The following CUBN variants were observed in gnomAD, a reference collection of about 807,000 sequenced individuals.
CUBN encodes 460 kDa receptor.
CUBN carries 282 observed loss-of-function variants against 405.3 expected under a neutral mutation model. The ratio of observed to expected loss-of-function variants is 0.70; its 90% CI spans 0.63 to 0.77. CUBN has a LOEUF of 0.77. Among genes scored for constraint, CUBN ranks in the 30% least tolerant of loss-of-function variants. The pLI, the probability that CUBN is intolerant of heterozygous loss-of-function variation, is 0.00. For missense variants in CUBN, 4,514 were observed against 4,475.2 expected (o/e 1.01, Z -0.25); for synonymous variants, 1,684 against 1,617.0 (o/e 1.04, Z -0.99).
chr10:17,068,554 A>G, intron 20 of CUBN, 51 bp downstream of exon 20: 1 of 1,436,882 alleles, frequency 7.0e-7, no homozygotes, highest in South Asian at 1.2e-5. Flanking sequence ...TCATTCACTT[A>G]TTCTGATACA....
chr10:16,939,943 G>A lies in CUBN; in HGVS notation c.5548+89C>T. ...GGAAAATAGTGTAGAGTTTAGGATTGTTCTTGCTTAATATATTACTGAGAA... is the reference window on the plus strand; with the variant it reads ...GGAAAATAGTGTAGAGTTTAGGATTATTCTTGCTTAATATATTACTGAGAA... On this transcript the variant is annotated intron_variant, in intron 37 of 66. Coordinates refer to ENST00000377833, the MANE Select transcript of CUBN (RefSeq NM_001081.4). 2.7e-6 allele frequency: 3 copies of A among 1,107,180 alleles called. No individual in the cohort carries two copies. In the South Asian group the frequency reaches 3.7e-5, roughly 14 times the overall value. The allele number at this position is 1,107,180 out of a possible 1,614,324, so 68.6% of individuals were successfully genotyped here.
intron 56 of CUBN, among the ~76,000 whole-genome samples, chr10:16,883,892 T>G (rs1337216873): frequency 6.6e-6 from 1 of 152,254 alleles, no homozygotes; most frequent in African/African-American, 2.4e-5. Context: ...GCGTGTAGAA[T>G]TTTTAAATTG....
chr10:16,973,377 T>C (rs1484133182), intron 31 of CUBN, among the ~76,000 whole-genome samples: 1 of 152,196 alleles, frequency 6.6e-6, no homozygotes, highest in Non-Finnish European at 1.5e-5. Context: ...GAGCCCTAGA[T>C]ATGCTAAATC....
At chr10:16,931,718 T>C (rs1842369251) in intron 40 of CUBN, among the ~76,000 whole-genome samples, 1 of 152,140 alleles carries the variant, frequency 6.6e-6, no homozygotes. Flanking sequence ...ATCTCACAGG[T>C]AGAACGGGTT....
intron 28 of CUBN, among the ~76,000 whole-genome samples, chr10:17,013,352 C>T (rs1025509212): frequency 1.3e-5 from 2 of 151,752 alleles, no homozygotes; most frequent in Non-Finnish European, 2.9e-5. Flanking sequence ...GACTTTCTAT[C>T]TCTCTGTCTC....
intron 14 of CUBN, among the ~76,000 whole-genome samples, chr10:17,093,336 T>C (rs541845827): frequency 4.6e-5 from 7 of 152,246 alleles, no homozygotes; most frequent in African/African-American, 1.4e-4. Flanking sequence ...AGAGACTGCA[T>C]AATAAATACT....
chr10:16,975,823 G>A (rs1235643426), intron 31 of CUBN, among the ~76,000 whole-genome samples: 1 of 151,476 alleles, frequency 6.6e-6, no homozygotes, highest in Non-Finnish European at 1.5e-5. Flanking sequence ...TAGAGATGGG[G>A]TTTCACCATG....
At chr10:16,942,863 A>AGGAGGGGAAGGGAAG (rs1554797593) in intron 36 of CUBN, among the ~76,000 whole-genome samples, 1 of 129,740 alleles carries the variant, frequency 7.7e-6, no homozygotes, top group East Asian at 2.5e-4. Flanking sequence ...GGGAAGGGAA[A>AGGAGGGGAAGGGAAG]GGAAGGGAAG....
In CUBN at chr10:16,933,213, A is replaced by C; in HGVS notation, c.5998T>G (p.Tyr2000Asp). The change falls in exon 40 of 67, where the codon TAC (tyrosine) becomes GAC (aspartate). Residue 2000 changes from tyrosine (Y) to aspartate (D), a missense_variant. By Grantham distance (160) the Tyr-to-Asp change is radical. This residue lies in a region of CUBN where 1,613 missense variants were observed against 1,542.8 expected (regional missense o/e 1.05). Coordinates refer to ENST00000377833, the MANE Select transcript of CUBN (RefSeq NM_001081.4). ...CACGTACAGTCCACTCTATTACTGT[A>C]ACTGTCAGGCCAGCCCGGGGAGAAG... ...FLFSPGWPDS[Y>D]SNRVDCTWLI... The C allele has an allele frequency of 6.2e-7, 1 of 1,614,104 alleles. No homozygotes were observed. The highest frequency in any genetic ancestry group is 8.5e-7 in the Non-Finnish European group (1 of 1,179,996).
intron 51 of CUBN, 52 bp from the exon 52 acceptor site, chr10:16,901,511 C>T (rs371687726): frequency 9.3e-6 from 15 of 1,607,476 alleles, no homozygotes; most frequent in Middle Eastern, 1.7e-4. Context: ...AAAAAAGAAC[C>T]GATAATGCCA....
At chr10:17,106,181 AG>A (rs1836625589) in intron 10 of CUBN, among the ~76,000 whole-genome samples, 1 of 152,046 alleles carries the variant, frequency 6.6e-6, no homozygotes, top group Admixed American at 6.6e-5. Context: ...GCTACTTGGG[AG>A]GGTGAGGCAG....
intron 33 of CUBN, among the ~76,000 whole-genome samples, chr10:16,951,658 C>A (rs1357624018): frequency 6.6e-6 from 1 of 152,136 alleles, no homozygotes; most frequent in Non-Finnish European, 1.5e-5. Flanking sequence ...TACCATCGGA[C>A]TGTTACCAGG....
chr10:17,127,431 ATTTTT>A (rs71268608), intron 3 of CUBN, among the ~76,000 whole-genome samples: 55 of 85,918 alleles, frequency 6.4e-4, no homozygotes, highest in African/African-American at 2.4e-3. Context: ...ATGCCCAGCT[ATTTTT>A]TTTTTTTTTT....
chr10:16,870,268 G>A (rs1341298764), intron 58 of CUBN, among the ~76,000 whole-genome samples: 1 of 152,198 alleles, frequency 6.6e-6, no homozygotes. Flanking sequence ...ATGAGATGAA[G>A]TAGAACTTAT....
intron 27 of CUBN, among the ~76,000 whole-genome samples, chr10:17,024,542 G>A (rs1834601022): frequency 6.6e-6 from 1 of 152,074 alleles, no homozygotes; most frequent in African/African-American, 2.4e-5. Flanking sequence ...ATCTTGCTCT[G>A]TTGCACAGGC....
intron 31 of CUBN, among the ~76,000 whole-genome samples, chr10:16,970,591 A>C (rs1320865198): frequency 6.6e-6 from 1 of 151,598 alleles, no homozygotes; most frequent in African/African-American, 2.4e-5. Flanking sequence ...AAAAAAAAAA[A>C]ATCAAAGTGG....
intron 22 of CUBN, among the ~76,000 whole-genome samples, chr10:17,057,334 G>A (rs1357537099): frequency 6.6e-6 from 1 of 152,116 alleles, no homozygotes; most frequent in East Asian, 1.9e-4. Context: ...CTAGAAAAAG[G>A]ATGGTAACTT....
chr10:16,927,133 T>G (rs1038265272), intron 41 of CUBN, among the ~76,000 whole-genome samples: 1 of 151,990 alleles, frequency 6.6e-6, no homozygotes, highest in African/African-American at 2.4e-5. Flanking sequence ...ACACACATAT[T>G]AATTCCAATG....
At chr10:17,022,818 C>A (rs1834533686) in intron 27 of CUBN, among the ~76,000 whole-genome samples, 1 of 152,188 alleles carries the variant, frequency 6.6e-6, no homozygotes, top group Non-Finnish European at 1.5e-5. Flanking sequence ...AAATCTTAAC[C>A]TTTGGATTGT....
Sources: gnomAD v4.1 joint callset for allele counts (sites outside exome capture counted in the v4.1 genomes callset) on GRCh38, gnomAD v4.1.1 for gene constraint, gnomAD v4.1.1 regional missense constraint, MANE v1.5 for transcripts, NCBI Gene and HGNC (gene_info 2026-07-23, HGNC 2026-07-21) for gene names.